NRF1: variants seen among roughly 807,000 people sequenced by gnomAD.
NRF1 encodes the protein nuclear respiratory factor 1.
A neutral mutation model predicts 58.5 loss-of-function variants in NRF1; 5 were observed. The ratio of observed to expected loss-of-function variants is 0.09; its 90% CI spans 0.04 to 0.18. The LOEUF is 0.18. Ranked by LOEUF, NRF1 falls within the 10% of genes least tolerant of loss-of-function variation. The pLI is 1.00. For missense variants in NRF1, 288 were observed against 657.7 expected (o/e 0.44, Z 6.15); for synonymous variants, 224 against 246.7 (o/e 0.91, Z 0.86).
intron 1 of NRF1, among the ~76,000 whole-genome samples, chr7:129,629,280 T>A (rs1174868791): frequency 6.6e-6 from 1 of 151,514 alleles, no homozygotes; most frequent in African/African-American, 2.4e-5. Flanking sequence ...ACACACGCTT[T>A]TTTTTTTTTT....
intron 9 of NRF1, among the ~76,000 whole-genome samples, chr7:129,720,616 G>A (rs1031596281): frequency 4.6e-5 from 7 of 152,210 alleles, no homozygotes; most frequent in Non-Finnish European, 1.0e-4. Flanking sequence ...GGCGCAGGGT[G>A]AGAAGGGAGA....
At chr7:129,708,490 G>C (rs1803001120) in intron 5 of NRF1, among the ~76,000 whole-genome samples, 1 of 152,126 alleles carries the variant, frequency 6.6e-6, no homozygotes, top group South Asian at 2.1e-4. Context: ...AAGAGTTTTA[G>C]GGTTATTTTC....
At chr7:129,685,862 A>G (rs1355416913) in intron 4 of NRF1, among the ~76,000 whole-genome samples, 1 of 151,554 alleles carries the variant, frequency 6.6e-6, no homozygotes, top group African/African-American at 2.4e-5. Context: ...TAATCCCAGC[A>G]CTTTGGGAGG....
intron 10 of NRF1, among the ~76,000 whole-genome samples, chr7:129,753,641 C>A (rs1804176736): frequency 6.6e-6 from 1 of 152,086 alleles, no homozygotes. Flanking sequence ...TTAGGCAGGA[C>A]TACCTTTATG....
chr7:129,674,297 A>G (rs891712828), intron 3 of NRF1, among the ~76,000 whole-genome samples: 1 of 152,232 alleles, frequency 6.6e-6, no homozygotes, highest in African/African-American at 2.4e-5. Flanking sequence ...GACCACTACA[A>G]TAAAGCAAGT....
intron 5 of NRF1, among the ~76,000 whole-genome samples, chr7:129,703,706 A>T (rs551744382): frequency 3.3e-5 from 5 of 152,352 alleles, no homozygotes; most frequent in Middle Eastern, 3.4e-3. Flanking sequence ...TTCTTTTGGT[A>T]TAGGGGCAAA....
intron 10 of NRF1, among the ~76,000 whole-genome samples, chr7:129,754,044 C>T (rs556137415): frequency 3.3e-5 from 5 of 152,176 alleles, no homozygotes; most frequent in Non-Finnish European, 7.3e-5. Context: ...TCACACCTGA[C>T]GGGCCTGTGC....
chr7:129,683,835 G>A (rs1241119591), intron 4 of NRF1, among the ~76,000 whole-genome samples: 1 of 151,672 alleles, frequency 6.6e-6, no homozygotes, highest in Admixed American at 6.6e-5. Flanking sequence ...GCTTCACCAT[G>A]TTGGCCAGGC....
intron 10 of NRF1, among the ~76,000 whole-genome samples, chr7:129,743,350 T>C (rs1803893328): frequency 6.6e-6 from 1 of 152,334 alleles, no homozygotes; most frequent in African/African-American, 2.4e-5. Context: ...CAAGAGGGCA[T>C]GTGAACACTC....
intron 5 of NRF1, among the ~76,000 whole-genome samples, chr7:129,700,397 G>C (rs1398667307): frequency 1.3e-5 from 2 of 152,140 alleles, no homozygotes; most frequent in Non-Finnish European, 2.9e-5. Context: ...TTAAGTCATA[G>C]TCTTCAGGGA....
intron 10 of NRF1, among the ~76,000 whole-genome samples, chr7:129,750,125 T>C (rs1413367168): frequency 6.6e-6 from 1 of 152,128 alleles, no homozygotes; most frequent in East Asian, 1.9e-4. Context: ...ACCAGGACTC[T>C]ACAAGGGCCC....
intron 1 of NRF1, among the ~76,000 whole-genome samples, chr7:129,646,907 G>C (rs530149339): frequency 6.6e-6 from 1 of 152,150 alleles, no homozygotes; most frequent in East Asian, 1.9e-4. Flanking sequence ...TAACTGCCTG[G>C]GTGTAGCTTT....
At position 129,619,736 on chromosome 7, in the gene NRF1, G is replaced by GTT. The variant is rs34136401; in HGVS notation, c.-7+7926_-7+7927dup. On this transcript the variant is annotated intron_variant, in intron 1 of 10. Transcript: ENST00000393232. ...TAAAAATCTCCATATTGTTTGGGTT[G>GTT]TTTTTTTTTTTTTTTGCCTCTTTTA... Among the ~76,000 whole-genome samples, 730 of 125,554 alleles carry GTT rather than the reference G, an allele frequency of 5.8e-3. 8 individuals carry two copies. Among genetic ancestry groups the GTT allele is most frequent in the African/African-American group, 0.015 (483 of 33,222 alleles). 82.4% of individuals were successfully genotyped at this position (125,554 alleles called of 152,430 possible).
chr7:129,618,738 C>T (rs1208871598), intron 1 of NRF1, among the ~76,000 whole-genome samples: 1 of 151,972 alleles, frequency 6.6e-6, no homozygotes, highest in East Asian at 1.9e-4. Flanking sequence ...ATCCTTTATC[C>T]AAAATGCTTA....
At chr7:129,690,105 A>G (rs1802529928) in intron 4 of NRF1, among the ~76,000 whole-genome samples, 1 of 152,234 alleles carries the variant, frequency 6.6e-6, no homozygotes, top group South Asian at 2.1e-4. Context: ...TAGACCTGGA[A>G]CAGGCAATGG....
At chr7:129,744,190 C>A in intron 10 of NRF1, 1 of 1,527,562 alleles carries the variant, frequency 6.5e-7, no homozygotes, top group Non-Finnish European at 8.8e-7. Flanking sequence ...TATGGCAGAT[C>A]GTGCAGGTCG....
rs188276636 is a variant in NRF1 at position 129,748,132 on chromosome 7, G to A, written c.1349-6886G>A. Among the ~76,000 whole-genome samples the A allele has an allele frequency of 4.3e-4, 66 of 151,824 alleles. No individual in the cohort carries two copies. The East Asian group carries it at 0.011, about 26-fold the overall frequency. ...TCTACTAAAAATACAAAAATTAGCCGGGCGTGGTGGTGCGCGCCTGTAATC... is the reference window on the plus strand; with the variant it reads ...TCTACTAAAAATACAAAAATTAGCCAGGCGTGGTGGTGCGCGCCTGTAATC... On this transcript the variant is annotated intron_variant, in intron 10 of 10. Transcript: ENST00000393232.
At chr7:129,747,201 A>G (rs554129182) in intron 10 of NRF1, among the ~76,000 whole-genome samples, 1 of 152,300 alleles carries the variant, frequency 6.6e-6, no homozygotes, top group African/African-American at 2.4e-5. Flanking sequence ...CATTCTTAAT[A>G]TTGAGGAGTG....
At chr7:129,743,586 CT>C (rs920013519) in intron 10 of NRF1, among the ~76,000 whole-genome samples, 15 of 152,144 alleles carry the variant, frequency 9.9e-5, no homozygotes, top group African/African-American at 2.7e-4. Flanking sequence ...TAGACAGTGT[CT>C]TTTTTTCTCA....
Sources: gnomAD v4.1 joint callset for allele counts (sites outside exome capture counted in the v4.1 genomes callset) on GRCh38, gnomAD v4.1.1 for gene constraint, MANE v1.5 for transcripts, NCBI Gene and HGNC (gene_info 2026-07-23, HGNC 2026-07-21) for gene names.